The following CNDP1 variants were observed in gnomAD, a reference collection of about 807,000 sequenced individuals.
CNDP1 encodes beta-Ala-His dipeptidase.
Under a neutral mutation model 58.1 loss-of-function variants are expected in CNDP1, and 44 were observed. That is an observed-to-expected ratio of 0.76 (90% CI 0.60 to 0.97). The LOEUF (loss-of-function observed/expected upper bound fraction) is 0.97, where lower values mean the gene tolerates loss of function less well. Ranked by LOEUF, CNDP1 falls within the 50% of genes least tolerant of loss-of-function variation. The pLI is 0.00. For synonymous variants in CNDP1, 254 were observed against 252.6 expected, an observed-to-expected ratio of 1.01 and a Z score of -0.05; for missense variants, 616 against 655.1, an observed-to-expected ratio of 0.94 and a Z score of 0.65.
chr18:74,576,492 C>T (rs1981640351), intron 7 of CNDP1: 1 of 169,180 alleles, frequency 5.9e-6, no homozygotes, highest in Non-Finnish European at 1.3e-5. Flanking sequence ...ATAATGAACA[C>T]ATATTACTTT....
At chr18:74,552,656 C>T (rs963960474) in intron 1 of CNDP1, among the ~76,000 whole-genome samples, 1 of 152,170 alleles carries the variant, frequency 6.6e-6, no homozygotes, top group Non-Finnish European at 1.5e-5. Flanking sequence ...GTGAAATATA[C>T]CACATTTTAT....
At chr18:74,544,914 CA>C (rs1329100347) in intron 1 of CNDP1, among the ~76,000 whole-genome samples, 1 of 151,912 alleles carries the variant, frequency 6.6e-6, no homozygotes, top group Non-Finnish European at 1.5e-5. Flanking sequence ...GCCCTAAATC[CA>C]AAACTCAGTG....
In CNDP1 at chr18:74,550,184, T is replaced by C. The variant is rs537215099; in HGVS notation, c.25-6154T>C. Among the ~76,000 whole-genome samples, 3 of 152,292 alleles carry C rather than the reference T, an allele frequency of 2.0e-5. No homozygotes were observed. The East Asian group carries it at 5.8e-4, about 29-fold the overall frequency. On this transcript the variant is annotated intron_variant, in intron 1 of 11. Coordinates refer to ENST00000358821, the MANE Select transcript of CNDP1 (RefSeq NM_032649.6). ...ATTCTCCAGACCCCAGAATGGTAGA[T>C]CCACTGGCAGCTTACATCCTAACCT... is the stretch of plus-strand genomic sequence containing the variant.
At chr18:74,554,826 A>G (rs1599091064) in intron 1 of CNDP1, among the ~76,000 whole-genome samples, 1 of 152,168 alleles carries the variant, frequency 6.6e-6, no homozygotes, top group African/African-American at 2.4e-5. Context: ...TAAAAAGATC[A>G]CCCAGGCTGC....
chr18:74,583,641 AG>A lies in CNDP1; in HGVS notation c.1391del (p.Ser464ThrfsTer4). ...AKMFQEIVHK[S>X]VVLIPLGAVD... ...AATGTTCCAGGAGATCGTCCACAAG[AG>A]CGTGGTGCTAATTCCGCTGGGAGCT... On this transcript the variant is annotated frameshift_variant, in exon 11 of 12. Coordinates refer to ENST00000358821, the MANE Select transcript of CNDP1 (RefSeq NM_032649.6). LOFTEE classifies it high-confidence loss of function. 1 of 1,614,142 alleles carries A rather than the reference AG, an allele frequency of 6.2e-7. No individual in the cohort carries two copies. The highest frequency in any genetic ancestry group is 8.5e-7 in the Non-Finnish European group (1 of 1,180,006).
At chr18:74,572,638 G>T (rs935896742) in intron 7 of CNDP1, among the ~76,000 whole-genome samples, 7 of 151,602 alleles carry the variant, frequency 4.6e-5, no homozygotes, top group African/African-American at 1.7e-4. Context: ...AAATACAAAA[G>T]TTAGCCAGGC....
chr18:74,534,568 G>A lies in CNDP1; in HGVS notation c.-100G>A, dbSNP rs1455100515. 3 of 1,262,160 alleles carry A rather than the reference G, an allele frequency of 2.4e-6. No individual in the cohort carries two copies. Among genetic ancestry groups the A allele is most frequent in the Middle Eastern group, 1.9e-4 (1 of 5,404 alleles). The allele number at this position is 1,262,160 out of a possible 1,614,324, so 78.2% of individuals were successfully genotyped here. A position where few individuals can be genotyped will look rare whatever the true frequency, so the allele number is the denominator to read the frequency against. ...GGGACAACGTGGGTCAGGGCACAGA[G>A]AGATATTTAATGTCACCCTCTTGGG... On this transcript the variant is annotated 5_prime_UTR_variant, in exon 1 of 12. Transcript: ENST00000358821.
At chr18:74,566,205 C>T (rs983926347) in intron 5 of CNDP1, among the ~76,000 whole-genome samples, 2 of 152,218 alleles carry the variant, frequency 1.3e-5, no homozygotes, top group African/African-American at 2.4e-5. Context: ...TTTTCTCCTC[C>T]TGGGCCTCCA....
intron 6 of CNDP1, among the ~76,000 whole-genome samples, chr18:74,568,316 C>T (rs1981382307): frequency 6.6e-6 from 1 of 152,164 alleles, no homozygotes; most frequent in Admixed American, 6.5e-5. Context: ...GATGCTAAGT[C>T]CCAGGGGTAT....
chr18:74,576,578 A>C, intron 7 of CNDP1: 1 of 334,152 alleles, frequency 3.0e-6, no homozygotes, highest in East Asian at 4.9e-5. Context: ...AACATGATGC[A>C]GGTAACTCAC....
intron 1 of CNDP1, among the ~76,000 whole-genome samples, chr18:74,535,215 A>G (rs534485090): frequency 6.6e-6 from 1 of 152,340 alleles, no homozygotes; most frequent in South Asian, 2.1e-4. Flanking sequence ...TCTCTAGGAA[A>G]ACAAGCAGGC....
chr18:74,561,015 G>A lies in CNDP1; in HGVS notation c.463G>A (p.Asp155Asn). The A allele has an allele frequency of 6.2e-7, 1 of 1,611,284 alleles. No individual in the cohort carries two copies. The highest frequency in any genetic ancestry group is 8.5e-7 in the Non-Finnish European group (1 of 1,177,724). The change falls in exon 4 of 12, where the codon GAC (aspartate) becomes AAC (asparagine). Residue 155 changes from aspartate to asparagine, a missense_variant. Asp to Asn is a conservative substitution (Grantham distance 23). Transcript: ENST00000358821. ...LTDPYVLTEV[D>N]GKLYGRGATD... Reference sequence around the variant, plus strand: ...GGACCCCTATGTGCTGACGGAGGTAGACGGTCAGTGAGGCGCCCGGGCTAC... The same window carrying A: ...GGACCCCTATGTGCTGACGGAGGTAAACGGTCAGTGAGGCGCCCGGGCTAC...
chr18:74,562,960 A>G (rs1024896158), intron 5 of CNDP1, among the ~76,000 whole-genome samples: 10 of 152,152 alleles, frequency 6.6e-5, no homozygotes, highest in Non-Finnish European at 1.5e-4. Context: ...CCTCCAGGTC[A>G]GCCCTGGGGT....
At chr18:74,573,078 C>CATCTATT (rs1981527592) in intron 7 of CNDP1, among the ~76,000 whole-genome samples, 1 of 152,128 alleles carries the variant, frequency 6.6e-6, no homozygotes, top group Non-Finnish European at 1.5e-5. Context: ...TCTAGCTATC[C>CATCTATT]ATCTATCCAT....
chr18:74,569,379 T>C (rs1981412383), intron 6 of CNDP1, among the ~76,000 whole-genome samples: 1 of 152,150 alleles, frequency 6.6e-6, no homozygotes, highest in Admixed American at 6.5e-5. Context: ...TGATTGGATA[T>C]GGCGTATATA....
At chr18:74,567,723 T>A (rs1024963784) in intron 6 of CNDP1, among the ~76,000 whole-genome samples, 2 of 152,116 alleles carry the variant, frequency 1.3e-5, no homozygotes, top group African/African-American at 4.8e-5. Context: ...GGCCATGGGA[T>A]TTGCAGGCAG....
At chr18:74,536,824 A>G (rs1212202946) in intron 1 of CNDP1, among the ~76,000 whole-genome samples, 1 of 152,068 alleles carries the variant, frequency 6.6e-6, no homozygotes, top group African/African-American at 2.4e-5. Context: ...TGACTTTTTA[A>G]TACAGTTGTT....
chr18:74,577,192 G>C, intron 8 of CNDP1, 163 bp downstream of exon 8: 1 of 587,838 alleles, frequency 1.7e-6, no homozygotes, highest in East Asian at 3.2e-5. Flanking sequence ...ACTTCCCCGT[G>C]GGCTGGATCA....
At position 74,574,584 on chromosome 18, in the gene CNDP1, C is replaced by T. The variant is rs142534416; in HGVS notation, c.842-2285C>T. On this transcript the variant is annotated intron_variant, in intron 7 of 11. Transcript: ENST00000358821. ...TTTCAAAGGCACCTTCTGCCTTCCC[C>T]GCACTTCCCAAGAAGGCTGTGGTAA... Among the ~76,000 whole-genome samples the T allele has an allele frequency of 2.8e-4, 43 of 152,300 alleles. No homozygotes were observed. In the East Asian group the frequency reaches 7.7e-3, roughly 27 times the overall value.
Sources: gnomAD v4.1 joint callset for allele counts (sites outside exome capture counted in the v4.1 genomes callset) on GRCh38, gnomAD v4.1.1 for gene constraint, MANE v1.5 for transcripts, NCBI Gene and HGNC (gene_info 2026-07-23, HGNC 2026-07-21) for gene names.